The following NRG2 variants were observed in gnomAD, a reference collection of about 807,000 sequenced individuals.
NRG2 encodes neuregulin 2.
Under a neutral mutation model 73.9 loss-of-function variants are expected in NRG2, and 27 were observed. The observed-to-expected ratio is 0.37, with a 90% CI of 0.27 to 0.50. The LOEUF is 0.50. NRG2 is among the 20% of genes least tolerant of loss of function. The probability of loss-of-function intolerance (pLI) is 0.96; values close to 1 mark genes in which losing one functional copy is unlikely to be tolerated. For synonymous variants in NRG2, 532 were observed against 541.0 expected (o/e 0.98, Z 0.23); for missense variants, 1,126 against 1,210.1 (o/e 0.93, Z 1.03).
intron 1 of NRG2, among the ~76,000 whole-genome samples, chr5:139,975,635 C>G (rs1476436678): frequency 2.6e-5 from 4 of 152,226 alleles, no homozygotes; most frequent in East Asian, 3.8e-4. Context: ...TGGGGAATAT[C>G]AGATAGCAGC....
At chr5:139,976,425 A>T (rs577268335) in intron 1 of NRG2, among the ~76,000 whole-genome samples, 4 of 152,358 alleles carry the variant, frequency 2.6e-5, no homozygotes, top group African/African-American at 9.6e-5. Context: ...CTTGATGGGC[A>T]GCCACATGAT....
At chr5:139,981,166 A>G (rs960561960) in intron 1 of NRG2, among the ~76,000 whole-genome samples, 13 of 152,322 alleles carry the variant, frequency 8.5e-5, no homozygotes, top group Admixed American at 2.6e-4. Context: ...GGCAGACGAG[A>G]GCTGTTGCTG....
At chr5:139,934,597 A>T (rs1752710410) in intron 1 of NRG2, among the ~76,000 whole-genome samples, 1 of 152,264 alleles carries the variant, frequency 6.6e-6, no homozygotes, top group Non-Finnish European at 1.5e-5. Context: ...AAACATAGTC[A>T]AATGGTAGAT....
rs190159053 is a variant in NRG2, at chr5:139,851,415, C to G, written c.1772+189G>C. Reference sequence around the variant, plus strand: ...AGGGTCCACTGGCCCAACTCTAGTCCCAGTCTGTCATTAACATGCCGATGG... The same window carrying G: ...AGGGTCCACTGGCCCAACTCTAGTCGCAGTCTGTCATTAACATGCCGATGG... On this transcript the variant is annotated intron_variant, in intron 9 of 9. Coordinates refer to ENST00000361474, the MANE Select transcript of NRG2 (RefSeq NM_004883.3). The surrounding 1 kb of genome is among the most constrained non-coding windows in gnomAD (Gnocchi z 4.2). Among the ~76,000 whole-genome samples, 100 of 152,324 alleles carry G rather than the reference C, an allele frequency of 6.6e-4. 2 individuals are homozygous for G. The highest frequency in any genetic ancestry group is 6.2e-4 in the South Asian group (3 of 4,818).
chr5:140,043,221 C>T lies in NRG2; in HGVS notation c.-152G>A. The T allele has an allele frequency of 1.2e-6, 1 of 826,052 alleles. No homozygotes were observed. The highest frequency in any genetic ancestry group is 1.9e-5 in the South Asian group (1 of 52,434). 51.2% of individuals were successfully genotyped at this position (826,052 alleles called of 1,614,324 possible). Reference sequence around the variant, plus strand: ...GAGGTGGCCCAGCTAGGGCAGGGGGCAGGCGGCAAGCGGGCCGCGATGCGC... The same window carrying T: ...GAGGTGGCCCAGCTAGGGCAGGGGGTAGGCGGCAAGCGGGCCGCGATGCGC... On this transcript the variant is annotated 5_prime_UTR_variant, in exon 1 of 10. Coordinates refer to ENST00000361474, the MANE Select transcript of NRG2 (RefSeq NM_004883.3). This position sits in a 1 kb window ranked among gnomAD's most constrained non-coding sequence, Gnocchi z 6.7.
rs1208418206 is a variant in NRG2 at position 140,008,638 on chromosome 5, C to G, written c.700+33732G>C. ...AATGTATATACACTACAGTGAATTC[C>G]AGACGGGTCAGCATTAAATGCCAAC... On this transcript the variant is annotated intron_variant, in intron 1 of 9. Transcript: ENST00000361474. This position sits in a 1 kb window ranked among gnomAD's most constrained non-coding sequence, Gnocchi z 4.2. Among the ~76,000 whole-genome samples the G allele has an allele frequency of 6.6e-6, 1 of 152,122 alleles. No homozygotes were observed. The highest frequency in any genetic ancestry group is 2.4e-5 in the African/African-American group (1 of 41,392).
intron 1 of NRG2, among the ~76,000 whole-genome samples, chr5:139,991,001 C>A (rs566346596): frequency 6.6e-6 from 1 of 152,106 alleles, no homozygotes; most frequent in African/African-American, 2.4e-5. Context: ...CTCAGCAGGG[C>A]GCGGTGGCTC....
At chr5:139,924,447 G>A (rs979929481) in intron 1 of NRG2, among the ~76,000 whole-genome samples, 4 of 152,140 alleles carry the variant, frequency 2.6e-5, no homozygotes, top group Non-Finnish European at 5.9e-5. Flanking sequence ...TTACTCAACC[G>A]GCTTGTTCTG....
chr5:140,017,680 G>A (rs1042755482), intron 1 of NRG2, among the ~76,000 whole-genome samples: 12 of 152,216 alleles, frequency 7.9e-5, no homozygotes, highest in Admixed American at 6.5e-4. Context: ...TGGTAGAGCA[G>A]ACAAATGCAT....
At chr5:139,880,276 TGG>T (rs1763441287) in intron 3 of NRG2, among the ~76,000 whole-genome samples, 1 of 152,168 alleles carries the variant, frequency 6.6e-6, no homozygotes, top group Non-Finnish European at 1.5e-5. Flanking sequence ...ACCCTGAGGC[TGG>T]GTCTGCCACT....
chr5:139,941,510 C>T (rs998319934), intron 1 of NRG2, among the ~76,000 whole-genome samples: 5 of 152,006 alleles, frequency 3.3e-5, no homozygotes, highest in Non-Finnish European at 7.4e-5. Flanking sequence ...TTGAAAATGT[C>T]TTTTTCATAC....
chr5:139,875,986 G>T (rs1478725450), intron 3 of NRG2, among the ~76,000 whole-genome samples: 1 of 152,170 alleles, frequency 6.6e-6, no homozygotes, highest in African/African-American at 2.4e-5. Flanking sequence ...CCACTCCTAG[G>T]TGTATCCCCA....
At position 139,852,798 on chromosome 5, in the gene NRG2, G is replaced by A. The variant is rs555149724; in HGVS notation, c.1416+106C>T. The A allele has an allele frequency of 4.0e-5, 62 of 1,554,006 alleles. No homozygotes were observed. In the African/African-American group the frequency reaches 8.0e-4, roughly 20 times the overall value. Reference sequence around the variant, plus strand: ...GAGGCAGTGCCTAGCAGGCAAGGCTGGCCATGGGATAGGCTGGCTGCTGCC... The same window carrying A: ...GAGGCAGTGCCTAGCAGGCAAGGCTAGCCATGGGATAGGCTGGCTGCTGCC... On this transcript the variant is annotated intron_variant, in intron 7 of 9. Coordinates refer to ENST00000361474, the MANE Select transcript of NRG2 (RefSeq NM_004883.3). This position sits in a 1 kb window ranked among gnomAD's most constrained non-coding sequence, Gnocchi z 4.4.
intron 1 of NRG2, among the ~76,000 whole-genome samples, chr5:139,907,365 AC>A (rs1477359673): frequency 2.0e-5 from 3 of 152,214 alleles, no homozygotes; most frequent in Non-Finnish European, 4.4e-5. Context: ...CTCTAAGAAC[AC>A]TTGACTGTTG....
chr5:139,940,258 C>A (rs993290143), intron 1 of NRG2, among the ~76,000 whole-genome samples: 1 of 152,098 alleles, frequency 6.6e-6, no homozygotes, highest in Non-Finnish European at 1.5e-5. Context: ...TACTACTGAG[C>A]AATAAAGAGG....
At chr5:139,881,200 T>G (rs1763508793) in intron 2 of NRG2, among the ~76,000 whole-genome samples, 1 of 152,144 alleles carries the variant, frequency 6.6e-6, no homozygotes, top group African/African-American at 2.4e-5. Flanking sequence ...GCAGGACTAG[T>G]GGCTGCTCAC....
chr5:139,875,546 T>C (rs1408805478), intron 3 of NRG2, among the ~76,000 whole-genome samples: 2 of 152,240 alleles, frequency 1.3e-5, no homozygotes, highest in Admixed American at 1.3e-4. Context: ...CCTTGGCTGA[T>C]AATATCATCT....
chr5:140,002,142 C>T (rs377748549), intron 1 of NRG2, among the ~76,000 whole-genome samples: 13 of 152,104 alleles, frequency 8.5e-5, no homozygotes, highest in Admixed American at 4.6e-4. Flanking sequence ...CATGATCATG[C>T]CACTGTACTC....
At chr5:139,987,776 T>G (rs1328364313) in intron 1 of NRG2, among the ~76,000 whole-genome samples, 3 of 149,848 alleles carry the variant, frequency 2.0e-5, no homozygotes, top group Non-Finnish European at 4.5e-5. Flanking sequence ...CAGGTTGTTT[T>G]TTTTTTTTTT....
Sources: gnomAD v4.1 joint callset for allele counts (sites outside exome capture counted in the v4.1 genomes callset) on GRCh38, gnomAD v4.1.1 for gene constraint, Gnocchi (gnomAD v3.1) non-coding constraint, MANE v1.5 for transcripts, NCBI Gene and HGNC (gene_info 2026-07-23, HGNC 2026-07-21) for gene names.